SIPA1L1: variants seen among roughly 807,000 people sequenced by gnomAD.
SIPA1L1 encodes the protein signal induced proliferation associated 1 like 1.
In SIPA1L1, 26 loss-of-function variants were observed where a neutral mutation model predicts 162.7. That is an observed-to-expected ratio of 0.16 (90% CI 0.12 to 0.22). The LOEUF (loss-of-function observed/expected upper bound fraction) is 0.22. Among genes scored for constraint, SIPA1L1 ranks in the 10% least tolerant of loss-of-function variants. The probability of loss-of-function intolerance (pLI) is 1.00; values close to 1 mark genes in which losing one functional copy is unlikely to be tolerated. For synonymous variants in SIPA1L1, 829 were observed against 837.4 expected, an observed-to-expected ratio of 0.99 and a Z score of 0.17; for missense variants, 1,874 against 2,241.0, an observed-to-expected ratio of 0.84 and a Z score of 3.31.
At chr14:71,613,395 A>G (rs1361775480) in intron 5 of SIPA1L1, among the ~76,000 whole-genome samples, 2 of 150,736 alleles carry the variant, frequency 1.3e-5, no homozygotes, top group Non-Finnish European at 3.0e-5. Context: ...TGATATGATT[A>G]TTAGAGTACT....
chr14:71,540,210 A>T (rs924792991), intron 4 of SIPA1L1, among the ~76,000 whole-genome samples: 1 of 152,210 alleles, frequency 6.6e-6, no homozygotes, highest in Admixed American at 6.5e-5. Context: ...GTCAGCAGCT[A>T]GTTCCTCTGA....
At chr14:71,413,759 G>A (rs2042570920) in intron 2 of SIPA1L1, among the ~76,000 whole-genome samples, 1 of 152,114 alleles carries the variant, frequency 6.6e-6, no homozygotes, top group African/African-American at 2.4e-5. Context: ...CCCAATAAAT[G>A]TGTATTGAGC....
At position 71,357,615 on chromosome 14, in the gene SIPA1L1, G is replaced by T. The variant is rs539530543; in HGVS notation, c.-465+36434G>T. On this transcript the variant is annotated intron_variant, in intron 2 of 23. Coordinates refer to ENST00000381232, the MANE Select transcript of SIPA1L1 (RefSeq NM_001386936.1). ...CTCACTCTGTCACCCAGGCTGCAGC[G>T]CAGTGGCATGATCTCCGCTCACTGC... 6.6e-5 allele frequency among the ~76,000 whole-genome samples: 10 copies of T among 152,286 alleles called. No homozygotes were observed. The South Asian group carries it at 1.5e-3, about 22-fold the overall frequency.
intron 17 of SIPA1L1, among the ~76,000 whole-genome samples, chr14:71,716,989 G>A (rs1260781132): frequency 2.6e-5 from 4 of 152,120 alleles, no homozygotes; most frequent in Admixed American, 6.5e-5. Context: ...AACCTCTGCC[G>A]CCCAGGTTCA....
In SIPA1L1 at chr14:71,693,230, A is replaced by C. The variant is rs146207588; in HGVS notation, c.3375-5751A>C. On this transcript the variant is annotated intron_variant, in intron 13 of 23. Transcript: ENST00000381232. ...CAAAAAGTTTTGGATTTTGGGGCCAACTGCTGTGGCTCACACTGGTAATCC... is the reference window on the plus strand; with the variant it reads ...CAAAAAGTTTTGGATTTTGGGGCCACCTGCTGTGGCTCACACTGGTAATCC... Among the ~76,000 whole-genome samples the C allele has an allele frequency of 9.3e-4, 142 of 152,276 alleles. No individual in the cohort carries two copies. In the East Asian group the frequency reaches 0.022, roughly 24 times the overall value.
At chr14:71,352,143 C>T (rs781678303) in intron 2 of SIPA1L1, among the ~76,000 whole-genome samples, 1 of 151,814 alleles carries the variant, frequency 6.6e-6, no homozygotes, top group Non-Finnish European at 1.5e-5. Flanking sequence ...GTAACAAATA[C>T]AGAAAAGTGC....
intron 2 of SIPA1L1, among the ~76,000 whole-genome samples, chr14:71,351,212 C>G (rs541515299): frequency 6.6e-6 from 1 of 152,152 alleles, no homozygotes; most frequent in South Asian, 2.1e-4. Context: ...TTCTGTGATA[C>G]TAAAATTTCA....
intron 2 of SIPA1L1, among the ~76,000 whole-genome samples, chr14:71,335,461 C>CA (rs1337985516): frequency 1.3e-5 from 2 of 152,216 alleles, no homozygotes; most frequent in African/African-American, 4.8e-5. Flanking sequence ...GCGCCCATTG[C>CA]AGGTCCTCTG....
intron 8 of SIPA1L1, among the ~76,000 whole-genome samples, chr14:71,653,681 A>G (rs1056716966): frequency 2.0e-5 from 3 of 152,128 alleles, no homozygotes; most frequent in African/African-American, 7.2e-5. Context: ...CAGCTATTAT[A>G]TCATTTTTTC....
intron 4 of SIPA1L1, among the ~76,000 whole-genome samples, chr14:71,539,377 T>C (rs536245370): frequency 3.3e-4 from 50 of 152,218 alleles, no homozygotes; most frequent in Non-Finnish European, 6.3e-4. Flanking sequence ...CAATACTGTT[T>C]CCAGAGAATA....
chr14:71,570,232 TTC>T (rs553023911), intron 4 of SIPA1L1, among the ~76,000 whole-genome samples: 193 of 152,204 alleles, frequency 1.3e-3, no homozygotes, highest in Non-Finnish European at 2.3e-3. Flanking sequence ...ACTATTTTTT[TTC>T]TTTTTTCTTT....
rs904730518 is a variant in SIPA1L1 at position 71,377,280 on chromosome 14, C to G, written c.-465+56099C>G. ...AGACGGGGCGGCGGCCGGACGGGGG[C>G]GTTCTCCACTTCTCAGACAGGGCGG... On this transcript the variant is annotated intron_variant, in intron 2 of 23. Transcript: ENST00000381232. The surrounding 1 kb of genome is among the most constrained non-coding windows in gnomAD (Gnocchi z 4.8). Among the ~76,000 whole-genome samples the G allele has an allele frequency of 6.6e-6, 1 of 151,470 alleles. No homozygotes were observed. Among genetic ancestry groups the G allele is most frequent in the African/African-American group, 2.4e-5 (1 of 41,136 alleles).
At chr14:71,363,733 C>G (rs1417693221) in intron 2 of SIPA1L1, among the ~76,000 whole-genome samples, 1 of 152,120 alleles carries the variant, frequency 6.6e-6, no homozygotes, top group African/African-American at 2.4e-5. Context: ...ATTTTATTTC[C>G]TAACTATATT....
intron 4 of SIPA1L1, among the ~76,000 whole-genome samples, chr14:71,534,830 T>A (rs1472710347): frequency 6.6e-6 from 1 of 152,234 alleles, no homozygotes; most frequent in Non-Finnish European, 1.5e-5. Context: ...TAGAGTCTGT[T>A]GATCGTAAAG....
chr14:71,605,760 A>C (rs879737529), intron 5 of SIPA1L1, among the ~76,000 whole-genome samples: 4 of 152,174 alleles, frequency 2.6e-5, no homozygotes, highest in African/African-American at 4.8e-5. Flanking sequence ...CAGTGGTAGC[A>C]GTGTTGGACT....
intron 12 of SIPA1L1, among the ~76,000 whole-genome samples, chr14:71,685,110 T>C (rs1399043239): frequency 6.6e-6 from 1 of 152,158 alleles, no homozygotes; most frequent in African/African-American, 2.4e-5. Flanking sequence ...GTGGGTCCCA[T>C]TGTTTTTTAA....
At chr14:71,476,121 T>C (rs1293389452) in intron 2 of SIPA1L1, among the ~76,000 whole-genome samples, 1 of 152,202 alleles carries the variant, frequency 6.6e-6, no homozygotes, top group Non-Finnish European at 1.5e-5. Context: ...TCTGTGACCT[T>C]TTCCTTTTGT....
chr14:71,591,151 G>A (rs563575645), intron 5 of SIPA1L1, among the ~76,000 whole-genome samples: 1 of 152,200 alleles, frequency 6.6e-6, no homozygotes, highest in Admixed American at 6.5e-5. Context: ...CTATTAGGCA[G>A]TATAATAATA....
chr14:71,345,083 C>G (rs1391628678), intron 2 of SIPA1L1, among the ~76,000 whole-genome samples: 4 of 152,062 alleles, frequency 2.6e-5, no homozygotes, highest in African/African-American at 7.2e-5. Flanking sequence ...GGTAGGAAGG[C>G]TAAGAGCCCA....
Sources: gnomAD v4.1 joint callset for allele counts (sites outside exome capture counted in the v4.1 genomes callset) on GRCh38, gnomAD v4.1.1 for gene constraint, Gnocchi (gnomAD v3.1) non-coding constraint, MANE v1.5 for transcripts, NCBI Gene and HGNC (gene_info 2026-07-23, HGNC 2026-07-21) for gene names.